Variants in GPD2 observed in about 807,000 individuals in gnomAD.
GPD2 encodes the protein glycerol-3-phosphate dehydrogenase 2.
Under a neutral mutation model 82.4 loss-of-function variants are expected in GPD2, and 54 were observed. The ratio of observed to expected loss-of-function variants is 0.66; its 90% CI spans 0.53 to 0.82. The LOEUF (loss-of-function observed/expected upper bound fraction) is 0.82, where lower values mean the gene tolerates loss of function less well. GPD2 is among the 40% of genes least tolerant of loss of function. The pLI, the probability that GPD2 is intolerant of heterozygous loss-of-function variation, is 0.00. For synonymous variants in GPD2, 288 were observed against 306.1 expected (o/e 0.94, Z 0.62); for missense variants, 748 against 896.2 (o/e 0.83, Z 2.11).
intron 1 of GPD2, among the ~76,000 whole-genome samples, chr2:156,451,269 C>T (rs1018353987): frequency 1.8e-4 from 27 of 151,320 alleles, no homozygotes; most frequent in South Asian, 2.1e-4. Context: ...ACCTCCCGGA[C>T]GGGGCAGCTG....
chr2:156,541,131 TCTC>T (rs1302604464), intron 6 of GPD2, among the ~76,000 whole-genome samples: 1 of 152,236 alleles, frequency 6.6e-6, no homozygotes, highest in Non-Finnish European at 1.5e-5. Context: ...TCATTACTAT[TCTC>T]CTTCCACAGC....
In GPD2 at chr2:156,461,147, ATCTC is replaced by A. The variant is rs1195528213; in HGVS notation, c.-8-14945_-8-14942del. On this transcript the variant is annotated intron_variant, in intron 1 of 16. Coordinates refer to ENST00000438166, the MANE Select transcript of GPD2 (RefSeq NM_000408.5). ...CAGGCAAGCACTAAATTATCACATTATCTCTCTCTATCTCTTTTTTTTTTTTTTT... is the reference window on the plus strand; with the variant it reads ...CAGGCAAGCACTAAATTATCACATTATCTCTATCTCTTTTTTTTTTTTTTT... Among the ~76,000 whole-genome samples, 25 of 129,344 alleles carry A rather than the reference ATCTC, an allele frequency of 1.9e-4. No homozygotes were observed. The South Asian group carries it at 4.4e-3, about 23-fold the overall frequency. 84.9% of individuals were successfully genotyped at this position (129,344 alleles called of 152,430 possible). A position where few individuals can be genotyped will look rare whatever the true frequency, so the allele number is the denominator to read the frequency against.
At chr2:156,504,668 A>G (rs370697348) in intron 3 of GPD2, among the ~76,000 whole-genome samples, 2 of 152,172 alleles carry the variant, frequency 1.3e-5, no homozygotes, top group East Asian at 3.9e-4. Flanking sequence ...TAGTGAAACA[A>G]TGGGATAATC....
At chr2:156,489,105 T>A (rs1169164371) in intron 2 of GPD2, among the ~76,000 whole-genome samples, 1 of 152,142 alleles carries the variant, frequency 6.6e-6, no homozygotes, top group African/African-American at 2.4e-5. Context: ...AAGCCAAGGT[T>A]GGTGAACTCA....
At chr2:156,401,210 A>G in the GPD2 span, among the ~76,000 whole-genome samples, 1 of 152,194 alleles carries the variant, frequency 6.6e-6, no homozygotes, top group South Asian at 2.1e-4. Context: ...CCACTGAACC[A>G]CCAATGCTTA....
intron 1 of GPD2, among the ~76,000 whole-genome samples, chr2:156,453,190 A>G (rs1443351282): frequency 1.3e-5 from 2 of 152,170 alleles, no homozygotes; most frequent in Non-Finnish European, 2.9e-5. Context: ...AAACAGGCAG[A>G]TAGTTGGGTT....
At chr2:156,410,715 T>G in the GPD2 span, among the ~76,000 whole-genome samples, 5 of 152,232 alleles carry the variant, frequency 3.3e-5, no homozygotes, top group African/African-American at 1.2e-4. Flanking sequence ...TACTCATGTA[T>G]GGCAAAGTGC....
chr2:156,544,376 G>A (rs4629116), intron 6 of GPD2, among the ~76,000 whole-genome samples: 29,794 of 152,060 alleles, frequency 0.2, 3,666 homozygotes, highest in South Asian at 0.29. Context: ...CCAACATTCC[G>A]TTGGCCAAAA....
chr2:156,551,792 A>T (rs1254817790), intron 8 of GPD2, among the ~76,000 whole-genome samples: 1 of 152,178 alleles, frequency 6.6e-6, no homozygotes, highest in Admixed American at 6.5e-5. Context: ...TTGATATTTT[A>T]TGTGCTGTAG....
In GPD2 at chr2:156,511,277, G is replaced by A. The variant is rs1002018279; in HGVS notation, c.399+357G>A. Among the ~76,000 whole-genome samples the A allele has an allele frequency of 3.3e-5, 5 of 152,164 alleles. No individual in the cohort carries two copies. The East Asian group carries it at 7.7e-4, about 23-fold the overall frequency. ...CTATGTTGTAATGCAGGGGGAGTGC[G>A]AAATTGATCCTCTTAACTACAACTG... On this transcript the variant is annotated intron_variant, in intron 4 of 16. Transcript: ENST00000438166.
chr2:156,459,353 G>A (rs964355450), intron 1 of GPD2, among the ~76,000 whole-genome samples: 7 of 152,110 alleles, frequency 4.6e-5, no homozygotes, highest in Non-Finnish European at 1.0e-4. Flanking sequence ...AGGCCTTGGA[G>A]TGCCAAAGGC....
intron 1 of GPD2, among the ~76,000 whole-genome samples, chr2:156,471,341 C>A (rs1449792359): frequency 1.3e-5 from 2 of 152,188 alleles, no homozygotes; most frequent in African/African-American, 4.8e-5. Context: ...AGCTTCAACA[C>A]TAAAAATCTA....
chr2:156,514,943 T>C (rs1685145306), intron 6 of GPD2, among the ~76,000 whole-genome samples: 1 of 152,146 alleles, frequency 6.6e-6, no homozygotes, highest in Non-Finnish European at 1.5e-5. Flanking sequence ...ATGAAGGCAT[T>C]CTGTAAATAG....
chr2:156,543,683 A>G (rs576203100), intron 6 of GPD2, among the ~76,000 whole-genome samples: 1 of 152,234 alleles, frequency 6.6e-6, no homozygotes, highest in African/African-American at 2.4e-5. Flanking sequence ...TTTGGGTAAG[A>G]TGTACCACAT....
At chr2:156,409,983 C>T in the GPD2 span, among the ~76,000 whole-genome samples, 1 of 152,074 alleles carries the variant, frequency 6.6e-6, no homozygotes, top group East Asian at 1.9e-4. Context: ...GAATTTGAGG[C>T]TACAGTGTGC....
intron 6 of GPD2, among the ~76,000 whole-genome samples, chr2:156,518,495 A>G (rs1394805973): frequency 6.6e-6 from 1 of 152,196 alleles, no homozygotes; most frequent in Non-Finnish European, 1.5e-5. Flanking sequence ...CAAAAGGCAT[A>G]TTGTGGAATC....
At chr2:156,447,302 G>C (rs932002575) in intron 1 of GPD2, among the ~76,000 whole-genome samples, 1 of 150,976 alleles carries the variant, frequency 6.6e-6, no homozygotes, top group African/African-American at 2.4e-5. Context: ...CTCCACAACT[G>C]TTGGAATCTG....
chr2:156,460,552 T>A (rs1311614605), intron 1 of GPD2, among the ~76,000 whole-genome samples: 1 of 152,188 alleles, frequency 6.6e-6, no homozygotes, highest in Non-Finnish European at 1.5e-5. Flanking sequence ...GGCCTGTAGT[T>A]GGTGGGAAAT....
rs34554584 is a variant in GPD2 at position 156,535,437 on chromosome 2, G to GGA, written c.662-14148_662-14147dup. ...AGACCTAGGAAAGAGAGGGGGGTGGGGAGAGAGAGAGAGAGAGAGAGAGAA... is the reference window on the plus strand; with the variant it reads ...AGACCTAGGAAAGAGAGGGGGGTGGGGAGAGAGAGAGAGAGAGAGAGAGAGAA... On this transcript the variant is annotated intron_variant, in intron 6 of 16. Coordinates refer to ENST00000438166, the MANE Select transcript of GPD2 (RefSeq NM_000408.5). Among the ~76,000 whole-genome samples, 420 of 80,020 alleles carry GGA rather than the reference G, an allele frequency of 5.2e-3. 6 individuals carry two copies. The highest frequency in any genetic ancestry group is 6.8e-3 in the Middle Eastern group (1 of 148). The allele number at this position is 80,020 out of a possible 152,430, so 52.5% of individuals were successfully genotyped here. A position where few individuals can be genotyped will look rare whatever the true frequency, so the allele number is the denominator to read the frequency against.
Sources: allele counts gnomAD v4.1 joint callset (sites outside exome capture counted in the v4.1 genomes callset), GRCh38; gene constraint gnomAD v4.1.1; transcripts MANE v1.5; gene names NCBI Gene and HGNC (gene_info 2026-07-23, HGNC 2026-07-21).